The following EML6 variants were observed in gnomAD, a reference collection of about 807,000 sequenced individuals.
EML6 encodes the protein EMAP like 6.
EML6 carries 154 observed loss-of-function variants against 240.1 expected under a neutral mutation model. The ratio of observed to expected loss-of-function variants is 0.64; its 90% confidence interval spans 0.56 to 0.73. The LOEUF is 0.73. Among genes scored for constraint, EML6 ranks in the 30% least tolerant of loss-of-function variants. The pLI, the probability that EML6 is intolerant of heterozygous loss-of-function variation, is 0.00. For missense variants in EML6, 2,964 were observed against 2,474.6 expected, an observed-to-expected ratio of 1.20 and a Z score of -4.20; for synonymous variants, 1,148 against 899.0, an observed-to-expected ratio of 1.28 and a Z score of -4.95.
At chr2:54,959,341 A>C (rs1337010109) in intron 34 of EML6, 80 bp downstream of exon 34, 3 of 1,326,826 alleles carry the variant, frequency 2.3e-6, no homozygotes, top group African/African-American at 1.5e-5. Context: ...CCCAACTTGG[A>C]GAAAATGCAG....
chr2:54,959,723 T>C (rs1676406497), intron 34 of EML6, among the ~76,000 whole-genome samples: 1 of 152,098 alleles, frequency 6.6e-6, no homozygotes, highest in Admixed American at 6.5e-5. Flanking sequence ...GATCATGTCA[T>C]TGCACTCCAG....
At chr2:54,756,329 A>G (rs1051015908) in intron 2 of EML6, among the ~76,000 whole-genome samples, 9 of 152,168 alleles carry the variant, frequency 5.9e-5, no homozygotes, top group African/African-American at 2.2e-4. Flanking sequence ...TCTAGCTTTT[A>G]TAGAAGTTCT....
intron 7 of EML6, among the ~76,000 whole-genome samples, chr2:54,840,156 C>T (rs1223688968): frequency 6.6e-6 from 1 of 152,146 alleles, no homozygotes; most frequent in Non-Finnish European, 1.5e-5. Context: ...AATACAGCTC[C>T]AGGCCCTTGG....
intron 13 of EML6, among the ~76,000 whole-genome samples, chr2:54,865,600 G>T (rs1016529192): frequency 2.0e-4 from 31 of 152,314 alleles, no homozygotes; most frequent in African/African-American, 7.2e-4. Context: ...GATGCTCAAA[G>T]GAAATGTGCA....
chr2:54,948,909 G>A lies in EML6; in HGVS notation c.4032G>A (p.Gln1344=), dbSNP rs1030664201. 1 of 1,551,516 alleles carries A rather than the reference G, an allele frequency of 6.4e-7. No individual in the cohort carries two copies. The highest frequency in any genetic ancestry group is 2.4e-5 in the East Asian group (1 of 40,918). Residue 1344 remains glutamine (Q), a synonymous_variant, in exon 29 of 42, where the codon CAG becomes CAA. Coordinates refer to ENST00000356458, the MANE Select transcript of EML6 (RefSeq NM_001039753.4). ...CACCCGTTAGCCGAGCAGCTCCCCA[G>A]CCTGAGAAACTGCAGAAGAACAATA... ...ERPPVSRAAP[Q]PEKLQKNNIT...
At chr2:54,946,842 A>G (rs779320297) in intron 28 of EML6, among the ~76,000 whole-genome samples, 17 of 150,394 alleles carry the variant, frequency 1.1e-4, no homozygotes, top group Non-Finnish European at 2.1e-4. Context: ...TTTTGAAGCA[A>G]TACAGCTGTA....
At chr2:54,792,117 A>C (rs1027079665) in intron 2 of EML6, among the ~76,000 whole-genome samples, 7 of 152,220 alleles carry the variant, frequency 4.6e-5, no homozygotes, top group Non-Finnish European at 1.0e-4. Flanking sequence ...GGAGTAATAG[A>C]AGGGAGTATA....
intron 3 of EML6, among the ~76,000 whole-genome samples, chr2:54,815,460 C>T (rs552417420): frequency 6.6e-6 from 1 of 152,180 alleles, no homozygotes; most frequent in Non-Finnish European, 1.5e-5. Flanking sequence ...TGGGAACTGT[C>T]ACTACAGATG....
chr2:54,954,098 C>A lies in EML6; in HGVS notation c.4428C>A (p.Leu1476=), dbSNP rs199724432. 1.9e-5 allele frequency: 30 copies of A among 1,551,746 alleles called. No homozygotes were observed. The highest frequency in any genetic ancestry group is 2.6e-5 in the Non-Finnish European group (30 of 1,147,012). ...TCAACTTCAGTGCAACTGGAAAGCT[C>A]CTGGTGTCGGTGGGAGTGGACCCTG... ...NYINFSATGK[L]LVSVGVDPEH... The change falls in exon 32 of 42, where the codon CTC becomes CTA. Residue 1476 remains leucine, a synonymous_variant. Transcript: ENST00000356458.
chr2:54,896,778 A>G (rs1482692471), intron 21 of EML6, among the ~76,000 whole-genome samples: 1 of 152,172 alleles, frequency 6.6e-6, no homozygotes, highest in Non-Finnish European at 1.5e-5. Context: ...TTACTGTATC[A>G]TGGAAACACA....
chr2:54,810,914 T>C lies in EML6; in HGVS notation c.198-2318T>C, dbSNP rs141392283. Among the ~76,000 whole-genome samples the C allele has an allele frequency of 6.6e-5, 10 of 152,314 alleles. No individual in the cohort carries two copies. The East Asian group carries it at 1.9e-3, about 29-fold the overall frequency. ...AAAAATTGGATAGTTAGGCCATCTTTTCCCAGGATCAGGCTCATAGGCTTC... is the reference window on the plus strand; with the variant it reads ...AAAAATTGGATAGTTAGGCCATCTTCTCCCAGGATCAGGCTCATAGGCTTC... On this transcript the variant is annotated intron_variant, in intron 2 of 41. Transcript: ENST00000356458.
intron 2 of EML6, among the ~76,000 whole-genome samples, chr2:54,754,010 C>T (rs1684290407): frequency 6.6e-6 from 1 of 151,842 alleles, no homozygotes; most frequent in East Asian, 2.0e-4. Flanking sequence ...CAGCCTGCAC[C>T]TGTAGTCCCA....
Position 54,957,011 on chromosome 2 carries a change from G to A in EML6, c.4487-779G>A, listed in dbSNP as rs141368492. ...ACTATTACTACTACTACTAATACTG[G>A]CTAACACATGATCACTCAGAGTATC... On this transcript the variant is annotated intron_variant, in intron 32 of 41. Transcript: ENST00000356458. 5.3e-5 allele frequency among the ~76,000 whole-genome samples: 8 copies of A among 151,982 alleles called. No individual in the cohort carries two copies. The East Asian group carries it at 1.5e-3, about 29-fold the overall frequency.
At position 54,853,772 on chromosome 2, in the gene EML6, A is replaced by C; in HGVS notation, c.1574A>C (p.Asp525Ala). 1.3e-6 allele frequency: 2 copies of C among 1,551,692 alleles called. No individual in the cohort carries two copies. The highest frequency in any genetic ancestry group is 8.7e-7 in the Non-Finnish European group (1 of 1,146,966). Residue 525 changes from aspartate to alanine, a missense_variant, in exon 11 of 42, where the codon GAT becomes GCT. By Grantham distance (126) the Asp-to-Ala change is moderately radical. Transcript: ENST00000356458. ...GAGGTTACTGACATCAACTCAGTGGATGCGAATTACAACAGCTCAGTGCTG... is the reference window on the plus strand; with the variant it reads ...GAGGTTACTGACATCAACTCAGTGGCTGCGAATTACAACAGCTCAGTGCTG... ...YTEVTDINSV[D>A]ANYNSSVLVS...
intron 25 of EML6, among the ~76,000 whole-genome samples, chr2:54,916,304 T>C (rs1196962748): frequency 6.6e-6 from 1 of 152,214 alleles, no homozygotes; most frequent in African/African-American, 2.4e-5. Flanking sequence ...CATTTGGCAA[T>C]GCCTGGGGAC....
intron 2 of EML6, among the ~76,000 whole-genome samples, chr2:54,807,948 T>G (rs1427670943): frequency 2.0e-5 from 3 of 152,182 alleles, no homozygotes; most frequent in Non-Finnish European, 4.4e-5. Flanking sequence ...TAGCATACAG[T>G]TATGGCAAGG....
Position 54,912,191 on chromosome 2 carries a change from G to A in EML6, c.3498+1149G>A, listed in dbSNP as rs182406481. On this transcript the variant is annotated intron_variant, in intron 25 of 41. Coordinates refer to ENST00000356458, the MANE Select transcript of EML6 (RefSeq NM_001039753.4). Reference sequence around the variant, plus strand: ...GTGTAGTACTTAAAAAATATACATCGTTATAGATCATGGCATTGTATTAAT... The same window carrying A: ...GTGTAGTACTTAAAAAATATACATCATTATAGATCATGGCATTGTATTAAT... 9.1e-4 allele frequency among the ~76,000 whole-genome samples: 139 copies of A among 152,218 alleles called. 1 individual carries two copies. The highest frequency in any genetic ancestry group is 7.5e-3 in the Admixed American group (115 of 15,296).
chr2:54,746,856 G>A (rs1387997606), intron 2 of EML6, among the ~76,000 whole-genome samples: 1 of 152,274 alleles, frequency 6.6e-6, no homozygotes, highest in Non-Finnish European at 1.5e-5. Flanking sequence ...GGAAATGTTA[G>A]AGCAGTACTG....
intron 2 of EML6, among the ~76,000 whole-genome samples, chr2:54,741,271 A>G (rs1421970042): frequency 6.6e-6 from 1 of 152,084 alleles, no homozygotes. Flanking sequence ...CCTGGCTTTG[A>G]TGGTTACTCC....
Sources: gnomAD v4.1 joint callset for allele counts (sites outside exome capture counted in the v4.1 genomes callset) on GRCh38, gnomAD v4.1.1 for gene constraint, MANE v1.5 for transcripts, NCBI Gene and HGNC (gene_info 2026-07-23, HGNC 2026-07-21) for gene names.